Variants in NEK11 observed in about 807,000 individuals in gnomAD.
NEK11 encodes the protein serine/threonine-protein kinase Nek11.
Under a neutral mutation model 80.7 loss-of-function variants are expected in NEK11, and 72 were observed. The observed-to-expected ratio is 0.89, with a 90% CI of 0.74 to 1.08. The LOEUF is 1.08. NEK11 is among the 50% of genes least tolerant of loss of function. The pLI, the probability that NEK11 is intolerant of heterozygous loss-of-function variation, is 0.00. For missense variants in NEK11, 764 were observed against 763.6 expected (o/e 1.00, Z -0.01); for synonymous variants, 251 against 260.7 (o/e 0.96, Z 0.36).
intron 14 of NEK11, among the ~76,000 whole-genome samples, chr3:131,193,039 C>T (rs1380894592): frequency 2.6e-5 from 4 of 151,820 alleles, no homozygotes; most frequent in African/African-American, 9.7e-5. Flanking sequence ...AGATATATAC[C>T]GTATTAGAAA....
chr3:131,225,006 G>A (rs184704431), intron 14 of NEK11, among the ~76,000 whole-genome samples: 95 of 152,240 alleles, frequency 6.2e-4, no homozygotes, highest in African/African-American at 2.1e-3. Flanking sequence ...TAAATGTAGT[G>A]TAGCCTAAGT....
intron 4 of NEK11, among the ~76,000 whole-genome samples, chr3:131,106,840 T>C (rs1026297677): frequency 2.6e-5 from 4 of 152,078 alleles, no homozygotes; most frequent in African/African-American, 4.8e-5. Flanking sequence ...TAAAAACAGA[T>C]CTTGTAGTAT....
intron 3 of NEK11, among the ~76,000 whole-genome samples, chr3:131,076,764 G>C (rs544821725): frequency 6.6e-6 from 1 of 152,270 alleles, no homozygotes; most frequent in Non-Finnish European, 1.5e-5. Context: ...TTGAAGCTTT[G>C]AAAAACACAA....
At chr3:131,044,565 G>A (rs893962892) in intron 3 of NEK11, among the ~76,000 whole-genome samples, 1 of 150,894 alleles carries the variant, frequency 6.6e-6, no homozygotes, top group Non-Finnish European at 1.5e-5. Context: ...GCAACGAGAA[G>A]AGCCAACTAT....
chr3:131,243,334 C>G, intron 15 of NEK11, 102 bp from the exon 16 acceptor site: 1 of 1,024,358 alleles, frequency 9.8e-7, no homozygotes, highest in South Asian at 1.6e-5. Flanking sequence ...ATTTTGGAAC[C>G]AGATTTTTTT....
chr3:131,310,185 A>C (rs2096767317), intron 17 of NEK11, among the ~76,000 whole-genome samples: 1 of 152,120 alleles, frequency 6.6e-6, no homozygotes, highest in Admixed American at 6.6e-5. Flanking sequence ...AATGAATGAA[A>C]TATGAGGTCA....
rs780650640 is a variant in NEK11 at position 131,228,600 on chromosome 3, A to T, written c.1472A>T (p.Asp491Val). Residue 491 changes from aspartate (D) to valine (V), a missense_variant, in exon 15 of 18, where the codon GAT (aspartate) becomes GTT (valine). Coordinates refer to ENST00000383366, the MANE Select transcript of NEK11 (RefSeq NM_024800.5). ...DAFDSYCEES[D>V]EEEEEIALER... ...TTTGATTCCTATTGTGAAGAGAGTG[A>T]TGAGGAGGAAGAAGAAATAGCGTTA... The T allele has an allele frequency of 1.9e-6, 3 of 1,613,564 alleles. No homozygotes were observed. The highest frequency in any genetic ancestry group is 2.2e-5 in the East Asian group (1 of 44,874).
At position 131,069,091 on chromosome 3, in the gene NEK11, A is replaced by G. The variant is rs1304413882; in HGVS notation, c.171-11332A>G. On this transcript the variant is annotated intron_variant, in intron 3 of 17. Transcript: ENST00000383366. ...TTAAGACAGCCAAACCACTGCTATT[A>G]TAAACAAGGTTAAAGAACTTTATTT... Among the ~76,000 whole-genome samples the G allele has an allele frequency of 2.0e-5, 3 of 152,196 alleles. No individual in the cohort carries two copies. The East Asian group carries it at 5.8e-4, about 29-fold the overall frequency.
chr3:131,041,780 C>T (rs6785953), intron 3 of NEK11, among the ~76,000 whole-genome samples: 25,074 of 152,088 alleles, frequency 0.16, 2,182 homozygotes, highest in Middle Eastern at 0.2. Context: ...GAGACTTCTA[C>T]TTTATAAAAA....
chr3:131,137,813 GC>G (rs2085913627), intron 7 of NEK11, among the ~76,000 whole-genome samples: 1 of 152,050 alleles, frequency 6.6e-6, no homozygotes, highest in Non-Finnish European at 1.5e-5. Context: ...CTGAATAAGG[GC>G]CCCACTGATC....
intron 14 of NEK11, among the ~76,000 whole-genome samples, chr3:131,227,954 A>G (rs2095245848): frequency 6.6e-6 from 1 of 152,134 alleles, no homozygotes; most frequent in African/African-American, 2.4e-5. Context: ...AGTAGGACCC[A>G]CCAGAGTGAA....
intron 3 of NEK11, among the ~76,000 whole-genome samples, chr3:131,041,560 A>G (rs1010801903): frequency 2.6e-5 from 4 of 151,848 alleles, no homozygotes; most frequent in African/African-American, 4.8e-5. Flanking sequence ...ACGTATATAT[A>G]TGTGTGTGTG....
chr3:131,155,714 A>G (rs138057471), intron 10 of NEK11, among the ~76,000 whole-genome samples: 264 of 152,298 alleles, frequency 1.7e-3, no homozygotes, highest in Middle Eastern at 0.014. Flanking sequence ...GGATTTTTGC[A>G]TAGTTTTACA....
At position 131,281,771 on chromosome 3, in the gene NEK11, C is replaced by CCTGT. The variant is rs753775149; in HGVS notation, c.1718+8209_1718+8212dup. Among the ~76,000 whole-genome samples the CCTGT allele has an allele frequency of 3.9e-5, 6 of 152,266 alleles. No homozygotes were observed. In the East Asian group the frequency reaches 7.7e-4, roughly 20 times the overall value. ...TATCAAACTTTTGGAGTTTATTCTG[C>CCTGT]CTGTCTGTCTGTCTGCCTATCTATC... is the stretch of plus-strand genomic sequence containing the variant. On this transcript the variant is annotated intron_variant, in intron 17 of 17. Transcript: ENST00000383366.
At chr3:131,168,221 A>C (rs1227235609) in intron 12 of NEK11, among the ~76,000 whole-genome samples, 1 of 152,048 alleles carries the variant, frequency 6.6e-6, no homozygotes, top group South Asian at 2.1e-4. Context: ...CCTCCTCCAA[A>C]TTCTTATGGC....
At chr3:131,116,611 A>G (rs550307724) in intron 5 of NEK11, among the ~76,000 whole-genome samples, 2 of 152,168 alleles carry the variant, frequency 1.3e-5, no homozygotes, top group South Asian at 2.1e-4. Context: ...AAGTGTTCCT[A>G]TTTCTCCACA....
chr3:131,044,936 T>C (rs1302880351), intron 3 of NEK11, among the ~76,000 whole-genome samples: 2 of 152,182 alleles, frequency 1.3e-5, no homozygotes, highest in Admixed American at 1.3e-4. Context: ...TAGACCGCAG[T>C]GCAATCAAAT....
intron 15 of NEK11, among the ~76,000 whole-genome samples, chr3:131,234,737 A>G (rs758944265): frequency 6.6e-5 from 10 of 151,296 alleles, no homozygotes; most frequent in Non-Finnish European, 1.5e-4. Context: ...AGGACCAGTC[A>G]AACCTTGCTG....
chr3:131,213,768 TTCA>T (rs1255609966), intron 14 of NEK11, among the ~76,000 whole-genome samples: 1 of 152,102 alleles, frequency 6.6e-6, no homozygotes, highest in East Asian at 1.9e-4. Flanking sequence ...GAACCCAGAG[TTCA>T]TCAAGTTCCC....
Sources: allele counts gnomAD v4.1 joint callset (sites outside exome capture counted in the v4.1 genomes callset), GRCh38; gene constraint gnomAD v4.1.1; transcripts MANE v1.5; gene names NCBI Gene and HGNC (gene_info 2026-07-23, HGNC 2026-07-21).